The following MCTP2 variants were observed in gnomAD, a reference collection of about 807,000 sequenced individuals.
MCTP2 encodes multiple C2 and transmembrane domain-containing protein 2.
Under a neutral mutation model 111.6 loss-of-function variants are expected in MCTP2, and 132 were observed. That is an observed-to-expected ratio of 1.18 (90% CI 1.03 to 1.37). The LOEUF is 1.37. Among genes scored for constraint, MCTP2 ranks in the 40% most tolerant of loss-of-function variants. The pLI is 0.00. For missense variants in MCTP2, 1,183 were observed against 1,067.9 expected (o/e 1.11, Z -1.50); for synonymous variants, 395 against 387.7 (o/e 1.02, Z -0.22).
At chr15:94,391,290 G>T (rs1480202432) in intron 14 of MCTP2, among the ~76,000 whole-genome samples, 1 of 152,028 alleles carries the variant, frequency 6.6e-6, no homozygotes, top group Non-Finnish European at 1.5e-5. Context: ...TAACTCTATT[G>T]CCCAAGTTTC....
At chr15:94,341,263 A>G in intron 7 of MCTP2, 1 of 258,210 alleles carries the variant, frequency 3.9e-6, no homozygotes, top group Non-Finnish European at 7.6e-6. Flanking sequence ...AATGTTCTCT[A>G]GTCTAGTACA....
intron 17 of MCTP2, among the ~76,000 whole-genome samples, chr15:94,406,995 G>GA (rs2081935347): frequency 6.6e-6 from 1 of 151,794 alleles, no homozygotes; most frequent in Admixed American, 6.6e-5. Context: ...GTCTAGTGGG[G>GA]ATCTCTATTT....
chr15:94,476,767 T>C lies in MCTP2; in HGVS notation c.2542T>C (p.Ser848Pro), dbSNP rs1303439292. 1.2e-6 allele frequency: 2 copies of C among 1,605,268 alleles called. No individual in the cohort carries two copies. Among genetic ancestry groups the C allele is most frequent in the Admixed American group, 3.3e-5 (2 of 59,992 alleles). Residue 848 changes from serine to proline, a missense_variant, in exon 22 of 23, where the codon TCT becomes CCT. By Grantham distance (74) the Ser-to-Pro change is moderately conservative (BLOSUM62 -1). Coordinates refer to ENST00000357742, the MANE Select transcript of MCTP2 (RefSeq NM_001385001.1). Reference sequence around the variant, plus strand: ...CAATAATGAGCTACTAGACTTCCTCTCTAGGGTACCGTCTGATGTTCAAAA... The same window carrying C: ...CAATAATGAGCTACTAGACTTCCTCCCTAGGGTACCGTCTGATGTTCAAAA... ...IDNNELLDFLSRVPSDVQKVQ... is the reference protein window; with the variant it reads ...IDNNELLDFLPRVPSDVQKVQ...
chr15:94,280,333 T>G (rs986661531), intron 1 of MCTP2, among the ~76,000 whole-genome samples: 4 of 151,980 alleles, frequency 2.6e-5, no homozygotes, highest in Non-Finnish European at 5.9e-5. Flanking sequence ...TGGTTCAATC[T>G]TGGGAGGCTG....
chr15:94,429,483 A>G (rs576636954), intron 17 of MCTP2, among the ~76,000 whole-genome samples: 3 of 152,266 alleles, frequency 2.0e-5, no homozygotes, highest in African/African-American at 4.8e-5. Context: ...CAAGTCACCA[A>G]TGACCACATC....
At chr15:94,359,291 A>C (rs545647553) in intron 10 of MCTP2, among the ~76,000 whole-genome samples, 2 of 152,322 alleles carry the variant, frequency 1.3e-5, no homozygotes, top group African/African-American at 4.8e-5. Context: ...CATTCTATAG[A>C]TGATGAAATG....
chr15:94,250,930 A>G (rs1245676901), intron 1 of MCTP2, among the ~76,000 whole-genome samples: 1 of 152,222 alleles, frequency 6.6e-6, no homozygotes, highest in Non-Finnish European at 1.5e-5. Context: ...AAGTTTAAGA[A>G]AATGTCTTAT....
intron 21 of MCTP2, among the ~76,000 whole-genome samples, chr15:94,472,280 G>C (rs962799274): frequency 9.2e-5 from 14 of 152,200 alleles, no homozygotes; most frequent in South Asian, 4.1e-4. Flanking sequence ...GGGAGGCTGA[G>C]GCATGAGAAT....
At chr15:94,453,093 A>C (rs1281437577) in intron 19 of MCTP2, among the ~76,000 whole-genome samples, 1 of 152,206 alleles carries the variant, frequency 6.6e-6, no homozygotes, top group Non-Finnish European at 1.5e-5. Context: ...TTCATTTACT[A>C]ATTATCCTCA....
intron 20 of MCTP2, among the ~76,000 whole-genome samples, chr15:94,459,141 C>T (rs967895555): frequency 2.6e-5 from 4 of 152,196 alleles, no homozygotes; most frequent in Admixed American, 2.0e-4. Context: ...AACTTATTTC[C>T]CCCTTTAATC....
At chr15:94,434,565 G>T (rs974161183) in intron 17 of MCTP2, among the ~76,000 whole-genome samples, 5 of 152,050 alleles carry the variant, frequency 3.3e-5, no homozygotes, top group African/African-American at 1.2e-4. Context: ...AAGAGTAGGT[G>T]ATTTTTTTTC....
At chr15:94,255,851 AT>A (rs1174482800) in intron 1 of MCTP2, among the ~76,000 whole-genome samples, 3 of 152,202 alleles carry the variant, frequency 2.0e-5, no homozygotes, top group African/African-American at 7.2e-5. Context: ...GAGTTATTAC[AT>A]TGTTTAGCAA....
intron 1 of MCTP2, among the ~76,000 whole-genome samples, chr15:94,252,345 C>T (rs1738841232): frequency 6.6e-6 from 1 of 152,114 alleles, no homozygotes; most frequent in South Asian, 2.1e-4. Context: ...TCATAATTTC[C>T]ATGTACATTT....
At chr15:94,366,112 G>A (rs1430704765) in intron 10 of MCTP2, among the ~76,000 whole-genome samples, 1 of 152,086 alleles carries the variant, frequency 6.6e-6, no homozygotes, top group Non-Finnish European at 1.5e-5. Flanking sequence ...CTTACATCAT[G>A]CTTATGAAAT....
intron 7 of MCTP2, chr15:94,341,637 G>A (rs2077646181): frequency 1.3e-5 from 2 of 152,024 alleles, no homozygotes; most frequent in Admixed American, 1.3e-4. Context: ...TTTTTCTTTT[G>A]ACATCACTTA....
At position 94,247,855 on chromosome 15, in the gene MCTP2, T is replaced by C. The variant is rs549576513; in HGVS notation, c.-66+16191T>C. ...AGTAAATATTCAGTCATGATGTTAA[T>C]AAAACGAATCCTCTTCTGAATTCAT... On this transcript the variant is annotated intron_variant, in intron 1 of 22. Coordinates refer to ENST00000357742, the MANE Select transcript of MCTP2 (RefSeq NM_001385001.1). 3.3e-4 allele frequency among the ~76,000 whole-genome samples: 51 copies of C among 152,302 alleles called. 1 individual carries two copies. Among genetic ancestry groups the C allele is most frequent in the Admixed American group, 2.7e-3 (41 of 15,298 alleles).
intron 8 of MCTP2, among the ~76,000 whole-genome samples, chr15:94,349,860 G>GAGAAAGA (rs2078209653): frequency 6.6e-6 from 1 of 151,382 alleles, no homozygotes; most frequent in Non-Finnish European, 1.5e-5. Flanking sequence ...CTCATCAGTT[G>GAGAAAGA]AGAAAGAGGA....
intron 2 of MCTP2, among the ~76,000 whole-genome samples, chr15:94,309,336 A>C (rs1294779022): frequency 6.6e-6 from 1 of 152,242 alleles, no homozygotes; most frequent in East Asian, 1.9e-4. Context: ...GTTATAGATT[A>C]AATATGCAGT....
upstream of MCTP2, chr15:94,231,440 C>G (rs1283626089): frequency 6.6e-6 from 1 of 152,220 alleles, no homozygotes; most frequent in African/African-American, 2.4e-5. Flanking sequence ...GCGCTTGGGT[C>G]GGAGGCTGCT....
Sources: allele counts gnomAD v4.1 joint callset (sites outside exome capture counted in the v4.1 genomes callset), GRCh38; gene constraint gnomAD v4.1.1; transcripts MANE v1.5; gene names NCBI Gene and HGNC (gene_info 2026-07-23, HGNC 2026-07-21).